BTRC: variants seen among roughly 807,000 people sequenced by gnomAD.
The protein encoded by BTRC is F-box/WD repeat-containing protein 1A.
A neutral mutation model predicts 85.5 loss-of-function variants in BTRC; 42 were observed. The observed-to-expected ratio is 0.49, with a 90% CI of 0.38 to 0.64. The LOEUF (loss-of-function observed/expected upper bound fraction) is 0.64. Ranked by LOEUF, BTRC falls within the 30% of genes least tolerant of loss-of-function variation. The pLI, the probability that BTRC is intolerant of heterozygous loss-of-function variation, is 0.00. For synonymous variants in BTRC, 255 were observed against 263.3 expected (o/e 0.97, Z 0.30); for missense variants, 594 against 743.5 (o/e 0.80, Z 2.34).
At chr10:101,500,688 G>C (rs1345538325) in intron 4 of BTRC, among the ~76,000 whole-genome samples, 1 of 152,040 alleles carries the variant, frequency 6.6e-6, no homozygotes, top group African/African-American at 2.4e-5. Flanking sequence ...CCATGAAGAA[G>C]GCTAAAACCT....
intron 1 of BTRC, among the ~76,000 whole-genome samples, chr10:101,395,634 T>A (rs770082087): frequency 6.6e-6 from 1 of 152,204 alleles, no homozygotes; most frequent in Non-Finnish European, 1.5e-5. Context: ...CTTAAAATGA[T>A]CATGCTATGA....
intron 1 of BTRC, among the ~76,000 whole-genome samples, chr10:101,413,416 C>G (rs948439341): frequency 6.6e-6 from 1 of 152,220 alleles, no homozygotes; most frequent in Non-Finnish European, 1.5e-5. Context: ...AGGGTTTACA[C>G]CATTCTCCTG....
At chr10:101,420,804 A>G (rs571258606) in intron 1 of BTRC, among the ~76,000 whole-genome samples, 3 of 151,858 alleles carry the variant, frequency 2.0e-5, no homozygotes, top group African/African-American at 7.3e-5. Flanking sequence ...GTACTCACCT[A>G]TTGAACTGTT....
chr10:101,452,769 C>T (rs1227513231), intron 2 of BTRC, among the ~76,000 whole-genome samples: 1 of 152,046 alleles, frequency 6.6e-6, no homozygotes, highest in Non-Finnish European at 1.5e-5. Context: ...TTGAGTTTAG[C>T]AGTATAGGGA....
At chr10:101,441,933 C>T (rs1944692601) in intron 2 of BTRC, among the ~76,000 whole-genome samples, 1 of 148,976 alleles carries the variant, frequency 6.7e-6, no homozygotes, top group Non-Finnish European at 1.5e-5. Flanking sequence ...GTAGACACGT[C>T]TTGTTTTGAA....
intron 2 of BTRC, among the ~76,000 whole-genome samples, chr10:101,453,140 G>A (rs932193173): frequency 6.6e-6 from 1 of 152,028 alleles, no homozygotes; most frequent in African/African-American, 2.4e-5. Context: ...AGCTAAATTA[G>A]CTCCAAGTCA....
intron 3 of BTRC, among the ~76,000 whole-genome samples, chr10:101,465,694 G>A (rs1321991812): frequency 2.6e-5 from 4 of 152,048 alleles, no homozygotes; most frequent in African/African-American, 4.8e-5. Flanking sequence ...TCCAAAACCC[G>A]ACAAAGATAT....
At chr10:101,411,004 T>A (rs957795527) in intron 1 of BTRC, among the ~76,000 whole-genome samples, 15 of 150,532 alleles carry the variant, frequency 1.0e-4, no homozygotes, top group Non-Finnish European at 1.9e-4. Flanking sequence ...CACTTTTTTT[T>A]TTTTTTTTTT....
chr10:101,381,188 T>C (rs2133959772), intron 1 of BTRC, among the ~76,000 whole-genome samples: 1 of 152,288 alleles, frequency 6.6e-6, no homozygotes, highest in Admixed American at 6.5e-5. Context: ...TGCAGGATTC[T>C]AGACACTATA....
intron 1 of BTRC, among the ~76,000 whole-genome samples, chr10:101,382,562 A>G (rs1258948003): frequency 3.3e-5 from 5 of 151,942 alleles, no homozygotes; most frequent in Non-Finnish European, 5.9e-5. Flanking sequence ...GAAGGCATAT[A>G]ATGTCAGTTT....
At chr10:101,422,565 T>A (rs9664249) in intron 1 of BTRC, among the ~76,000 whole-genome samples, 49,672 of 152,022 alleles carry the variant, frequency 0.33, 10,645 homozygotes, top group East Asian at 0.67. Context: ...CTGAATGGTA[T>A]TGCCTAGGTT....
intron 4 of BTRC, among the ~76,000 whole-genome samples, chr10:101,490,036 C>T (rs1339416349): frequency 6.6e-6 from 1 of 152,080 alleles, no homozygotes; most frequent in African/African-American, 2.4e-5. Flanking sequence ...AATTAAAGTT[C>T]TTATGCATGG....
chr10:101,471,356 T>C (rs1945519193), intron 3 of BTRC, among the ~76,000 whole-genome samples: 1 of 152,104 alleles, frequency 6.6e-6, no homozygotes, highest in Non-Finnish European at 1.5e-5. Context: ...ACCACTGCAC[T>C]CCAGCCTGGG....
intron 1 of BTRC, among the ~76,000 whole-genome samples, chr10:101,369,872 C>T (rs1942582182): frequency 6.6e-6 from 1 of 152,192 alleles, no homozygotes; most frequent in South Asian, 2.1e-4. Flanking sequence ...TTTTCTTAGT[C>T]AATCAGCCCC....
At chr10:101,500,302 G>A (rs1206040085) in intron 4 of BTRC, among the ~76,000 whole-genome samples, 4 of 151,940 alleles carry the variant, frequency 2.6e-5, no homozygotes, top group Admixed American at 2.6e-4. Context: ...ATAACATGAT[G>A]GTGTTTGTGT....
intron 1 of BTRC, among the ~76,000 whole-genome samples, chr10:101,390,487 G>A (rs1200904094): frequency 1.0e-4 from 13 of 127,352 alleles, no homozygotes; most frequent in Admixed American, 9.6e-4. Flanking sequence ...ACAGGTGCCC[G>A]CCACCACGCC....
intron 1 of BTRC, chr10:101,354,548 G>A: frequency 5.1e-6 from 2 of 393,714 alleles, no homozygotes; most frequent in South Asian, 4.1e-5. Context: ...AAAAGCGGAG[G>A]AAGCTCTCTG....
chr10:101,524,439 T>G (rs2062161843), intron 5 of BTRC, among the ~76,000 whole-genome samples: 1 of 152,192 alleles, frequency 6.6e-6, no homozygotes, highest in East Asian at 1.9e-4. Flanking sequence ...CACTGACCAC[T>G]CTATGAGGTA....
At chr10:101,424,124 C>T (rs2134062122) in intron 1 of BTRC, among the ~76,000 whole-genome samples, 1 of 152,184 alleles carries the variant, frequency 6.6e-6, no homozygotes, top group South Asian at 2.1e-4. Context: ...GTCCCAGCTA[C>T]TCAGGAGGCT....
Sources: allele counts gnomAD v4.1 joint callset (sites outside exome capture counted in the v4.1 genomes callset), GRCh38; gene constraint gnomAD v4.1.1; transcripts MANE v1.5; gene names NCBI Gene and HGNC (gene_info 2026-07-23, HGNC 2026-07-21).